MYH15: variants seen among roughly 807,000 people sequenced by gnomAD.
MYH15 encodes the protein myosin-15.
A neutral mutation model predicts 240.5 loss-of-function variants in MYH15; 227 were observed. The observed-to-expected ratio is 0.94, with a 90% CI of 0.85 to 1.05. The LOEUF is 1.05. Among genes scored for constraint, MYH15 ranks in the 50% least tolerant of loss-of-function variants. The pLI is 0.00. For missense variants in MYH15, 2,217 were observed against 2,247.5 expected, an observed-to-expected ratio of 0.99 and a Z score of 0.27; for synonymous variants, 785 against 796.7, an observed-to-expected ratio of 0.99 and a Z score of 0.25.
In MYH15 at chr3:108,439,971, C is replaced by A. The variant is rs1265379325; in HGVS notation, c.2899-58G>T. On this transcript the variant is annotated intron_variant, in intron 23 of 40. Coordinates refer to ENST00000693548, the MANE Select transcript of MYH15 (RefSeq NM_014981.3). The stretch of plus-strand genomic sequence containing the variant: ...CACTGCTGGAAAGTTGGGCATAACA[C>A]TGAGGGTCATTTCTCTTCTGTCGTC... 1.9e-5 allele frequency: 27 copies of A among 1,415,560 alleles called. No individual in the cohort carries two copies. In the Admixed American group the frequency reaches 5.8e-4, roughly 30 times the overall value. 87.7% of individuals were successfully genotyped at this position (1,415,560 alleles called of 1,614,324 possible). A position where few individuals can be genotyped will look rare whatever the true frequency, so the allele number is the denominator to read the frequency against.
upstream of MYH15, among the ~76,000 whole-genome samples, chr3:108,532,968 T>A (rs1321837536): frequency 6.6e-6 from 1 of 152,178 alleles, no homozygotes; most frequent in Non-Finnish European, 1.5e-5. Flanking sequence ...TGAAACATGA[T>A]GACAGTGATT....
rs781234433 is a variant in MYH15, at chr3:108,410,607, T to C, written c.4471A>G (p.Arg1491Gly). ...EESIVGQETLRRENKNLQEEI... is the reference protein window; with the variant it reads ...EESIVGQETLGRENKNLQEEI... ...CCTTGGAGGTTCTTGTTCTCCCTCCTGAGTGTCTCCTGGCCCACGATGCTC... is the reference window on the plus strand; with the variant it reads ...CCTTGGAGGTTCTTGTTCTCCCTCCCGAGTGTCTCCTGGCCCACGATGCTC... The change falls in exon 31 of 41, where the codon AGG becomes GGG. Residue 1491 changes from arginine (R) to glycine (G), a missense_variant. Arg to Gly is a moderately radical substitution (Grantham distance 125). Coordinates refer to ENST00000693548, the MANE Select transcript of MYH15 (RefSeq NM_014981.3). The C allele has an allele frequency of 6.3e-7, 1 of 1,598,508 alleles. No individual in the cohort carries two copies. Among genetic ancestry groups the C allele is most frequent in the Non-Finnish European group, 8.6e-7 (1 of 1,167,464 alleles).
chr3:108,474,480 C>CTT (rs1021133217), intron 12 of MYH15, among the ~76,000 whole-genome samples: 6 of 146,192 alleles, frequency 4.1e-5, no homozygotes, highest in African/African-American at 1.3e-4. Flanking sequence ...TTTATTTTTG[C>CTT]TTTTTTTTGT....
intron 1 of MYH15, among the ~76,000 whole-genome samples, chr3:108,507,154 A>T (rs2083483247): frequency 6.6e-6 from 1 of 150,650 alleles, no homozygotes; most frequent in Non-Finnish European, 1.5e-5. Context: ...TTTTCTTTTA[A>T]AAGCATATTA....
At chr3:108,463,299 C>T (rs2083086772) in intron 15 of MYH15, 56 bp from the exon 16 acceptor site, 3 of 1,538,728 alleles carry the variant, frequency 1.9e-6, no homozygotes, top group Non-Finnish European at 2.6e-6. Context: ...CATAAGTTAA[C>T]ATGGAAGGCT....
rs10933942 is a variant in MYH15 at position 108,423,124 on chromosome 3, C to A, written c.3703-1910G>T. ...CACAAGGCCAGAGTCCCTGCTTGAG[C>A]GCTTGCCGCCCGCAGCTTGAATCCC... On this transcript the variant is annotated intron_variant, in intron 27 of 40. Transcript: ENST00000693548. 7.8e-3 allele frequency among the ~76,000 whole-genome samples: 1,180 copies of A among 152,216 alleles called. 14 individuals carry two copies. The highest frequency in any genetic ancestry group is 0.022 in the African/African-American group (923 of 41,524).
chr3:108,452,831 G>A (rs2082985038), intron 21 of MYH15, among the ~76,000 whole-genome samples: 1 of 152,060 alleles, frequency 6.6e-6, no homozygotes, highest in Non-Finnish European at 1.5e-5. Flanking sequence ...AAAAAATATT[G>A]AGTTGGCTGG....
chr3:108,498,340 A>C (rs1332912391), intron 5 of MYH15, among the ~76,000 whole-genome samples, 195 bp from the exon 6 acceptor site: 3 of 152,242 alleles, frequency 2.0e-5, no homozygotes, highest in Non-Finnish European at 4.4e-5. Context: ...CTGGAAAAAC[A>C]GCATGAGCAA....
At chr3:108,389,911 T>C (rs2082411496) in intron 37 of MYH15, among the ~76,000 whole-genome samples, 1 of 152,184 alleles carries the variant, frequency 6.6e-6, no homozygotes, top group Non-Finnish European at 1.5e-5. Context: ...GAGGCAAGAA[T>C]GTGCCTAGCA....
chr3:108,477,567 A>AT (rs760575039), intron 11 of MYH15, among the ~76,000 whole-genome samples: 7 of 152,166 alleles, frequency 4.6e-5, no homozygotes, highest in Non-Finnish European at 1.0e-4. Context: ...CATCTTTATA[A>AT]TTTGTTTTCT....
rs1276016618 is a variant in MYH15 at position 108,470,352 on chromosome 3, CTTAA to C, written c.1384-144_1384-141del. On this transcript the variant is annotated intron_variant, in intron 13 of 40. Coordinates refer to ENST00000693548, the MANE Select transcript of MYH15 (RefSeq NM_014981.3). ...CAACAAGTAACAAATGCTCAATTAACTTAATTAATTGTAATTTTGAATTGTAATA... is the reference window on the plus strand; with the variant it reads ...CAACAAGTAACAAATGCTCAATTAACTTAATTGTAATTTTGAATTGTAATA... 2.7e-5 allele frequency: 16 copies of C among 590,458 alleles called. No individual in the cohort carries two copies. In the South Asian group the frequency reaches 2.9e-4, roughly 11 times the overall value. 36.6% of individuals were successfully genotyped at this position (590,458 alleles called of 1,614,324 possible). A position where few individuals can be genotyped will look rare whatever the true frequency, so the allele number is the denominator to read the frequency against.
chr3:108,483,427 A>AC (rs2083282378), intron 11 of MYH15, among the ~76,000 whole-genome samples: 1 of 151,868 alleles, frequency 6.6e-6, no homozygotes, highest in African/African-American at 2.4e-5. Flanking sequence ...AAAAAAAAAA[A>AC]ACCAAAAAAC....
At chr3:108,436,586 T>G (rs1207249436) in intron 25 of MYH15, among the ~76,000 whole-genome samples, 1 of 152,194 alleles carries the variant, frequency 6.6e-6, no homozygotes. Flanking sequence ...GTCGCCAGGC[T>G]GGAGTACAGT....
intron 31 of MYH15, among the ~76,000 whole-genome samples, 168 bp downstream of exon 31, chr3:108,410,415 A>G (rs2082579867): frequency 6.6e-6 from 1 of 152,198 alleles, no homozygotes; most frequent in Non-Finnish European, 1.5e-5. Context: ...AATTAATTTA[A>G]TACAAACAGC....
intron 25 of MYH15, among the ~76,000 whole-genome samples, chr3:108,434,794 T>G (rs543608164): frequency 6.6e-6 from 1 of 152,190 alleles, no homozygotes; most frequent in African/African-American, 2.4e-5. Flanking sequence ...TACTGGGTAA[T>G]GTATAGGTGA....
At chr3:108,527,443 A>G (rs2083681160) in intron 1 of MYH15, among the ~76,000 whole-genome samples, 1 of 151,978 alleles carries the variant, frequency 6.6e-6, no homozygotes, top group Admixed American at 6.6e-5. Context: ...AACATCCTTC[A>G]CCACCTCTCA....
chr3:108,479,207 C>A (rs149050729), intron 11 of MYH15, among the ~76,000 whole-genome samples: 102 of 152,296 alleles, frequency 6.7e-4, no homozygotes, highest in African/African-American at 2.3e-3. Flanking sequence ...TAATCATATT[C>A]CCAAATAGGC....
chr3:108,510,391 C>T, intron 1 of MYH15, 52 bp downstream of exon 1: 1 of 1,563,578 alleles, frequency 6.4e-7, no homozygotes, highest in Non-Finnish European at 8.6e-7. Context: ...ATCTTAGTCA[C>T]CATCTTGAAG....
chr3:108,417,872 T>C (rs750796927), intron 28 of MYH15, among the ~76,000 whole-genome samples: 2 of 151,964 alleles, frequency 1.3e-5, no homozygotes, highest in Non-Finnish European at 2.9e-5. Flanking sequence ...TATATGTACA[T>C]GCATATATCT....
Sources: gnomAD v4.1 joint callset for allele counts (sites outside exome capture counted in the v4.1 genomes callset) on GRCh38, gnomAD v4.1.1 for gene constraint, MANE v1.5 for transcripts, NCBI Gene and HGNC (gene_info 2026-07-23, HGNC 2026-07-21) for gene names.